ORC3: variants seen among roughly 807,000 people sequenced by gnomAD.
The protein encoded by ORC3 is homolog of latheo, Drosophila.
Under a neutral mutation model 100.7 loss-of-function variants are expected in ORC3, and 78 were observed. The ratio of observed to expected loss-of-function variants is 0.77; its 90% CI spans 0.65 to 0.94. The LOEUF (loss-of-function observed/expected upper bound fraction) is 0.94, where lower values mean the gene tolerates loss of function less well. Ranked by LOEUF, ORC3 falls within the 40% of genes least tolerant of loss-of-function variation. The probability of loss-of-function intolerance (pLI) is 0.00; values close to 1 mark genes in which losing one functional copy is unlikely to be tolerated. For missense variants in ORC3, 789 were observed against 823.9 expected (o/e 0.96, Z 0.52); for synonymous variants, 295 against 289.3 (o/e 1.02, Z -0.20).
chr6:87,615,782 T>C (rs1779113665), intron 8 of ORC3, among the ~76,000 whole-genome samples: 1 of 152,242 alleles, frequency 6.6e-6, no homozygotes, highest in Non-Finnish European at 1.5e-5. Context: ...TTGTGTGACT[T>C]TTCATTTCCA....
intron 9 of ORC3, among the ~76,000 whole-genome samples, chr6:87,618,177 G>GA (rs1466838058): frequency 1.3e-5 from 2 of 152,306 alleles, no homozygotes; most frequent in East Asian, 3.9e-4. Context: ...TGGGGAGGCC[G>GA]AGGCAGGCAG....
intron 8 of ORC3, 118 bp from the exon 9 acceptor site, chr6:87,616,196 C>T (rs1779140054): frequency 9.2e-6 from 4 of 434,576 alleles, no homozygotes; most frequent in Non-Finnish European, 1.7e-5. Context: ...GCTATTATTG[C>T]AGCTTTCATA....
At chr6:87,676,596 A>AACACACGCGCGCGCACAC in the ORC3 span, among the ~76,000 whole-genome samples, 4 of 142,146 alleles carry the variant, frequency 2.8e-5, no homozygotes, top group African/African-American at 1.1e-4. Flanking sequence ...CTCTACTAAA[A>AACACACGCGCGCGCACAC]ACACACACAC....
chr6:87,600,158 A>G (rs1041261839), intron 2 of ORC3, among the ~76,000 whole-genome samples: 2 of 152,210 alleles, frequency 1.3e-5, no homozygotes, highest in African/African-American at 2.4e-5. Flanking sequence ...AAGTTCCTTA[A>G]CATGAAGTGA....
At chr6:87,637,742 C>T (rs573033009) in intron 13 of ORC3, among the ~76,000 whole-genome samples, 3 of 152,268 alleles carry the variant, frequency 2.0e-5, no homozygotes, top group African/African-American at 7.2e-5. Context: ...CACCAGTTGT[C>T]TTAGGGTACA....
the ORC3 span, chr6:87,675,029 A>T: frequency 6.6e-6 from 1 of 151,602 alleles, no homozygotes; most frequent in African/African-American, 2.4e-5. Flanking sequence ...CATTTGTTAA[A>T]AAGACTGATA....
intron 2 of ORC3, among the ~76,000 whole-genome samples, chr6:87,596,679 A>C (rs1446566391): frequency 6.6e-6 from 1 of 152,210 alleles, no homozygotes; most frequent in Non-Finnish European, 1.5e-5. Flanking sequence ...ATTAATAAAA[A>C]AAGATACTGT....
Position 87,644,095 on chromosome 6 carries a change from T to C in ORC3, c.1382+7609T>C, listed in dbSNP as rs1189500715. Among the ~76,000 whole-genome samples the C allele has an allele frequency of 2.5e-3, 266 of 107,540 alleles. 4 individuals carry two copies. The highest frequency in any genetic ancestry group is 9.9e-3 in the African/African-American group (259 of 26,292). The allele number at this position is 107,540 out of a possible 152,430, so 70.6% of individuals were successfully genotyped here. On this transcript the variant is annotated intron_variant, in intron 13 of 19. Coordinates refer to ENST00000392844, the MANE Select transcript of ORC3 (RefSeq NM_012381.4). Reference sequence around the variant, plus strand: ...CTGACTGTCCTTTTTTTTTTTTTTTTTTTTTTTTTTTTTTTGAGACGGAGT... The same window carrying C: ...CTGACTGTCCTTTTTTTTTTTTTTTCTTTTTTTTTTTTTTTGAGACGGAGT...
At chr6:87,598,402 G>A (rs1777622652) in intron 2 of ORC3, among the ~76,000 whole-genome samples, 1 of 152,176 alleles carries the variant, frequency 6.6e-6, no homozygotes, top group African/African-American at 2.4e-5. Flanking sequence ...AGGATACTTA[G>A]ACATATAACT....
rs1017005653 is a variant in ORC3 at position 87,667,156 on chromosome 6, T to C, written c.*33T>C. On this transcript the variant is annotated 3_prime_UTR_variant, in exon 20 of 20. Transcript: ENST00000392844. The stretch of plus-strand genomic sequence containing the variant: ...ATAAGCAAAGCCAGAACTATCACAT[T>C]TAGCTTAAGAGAAAAAGGTGACCAG... 8 of 1,302,604 alleles carry C rather than the reference T, an allele frequency of 6.1e-6. No homozygotes were observed. Among genetic ancestry groups the C allele is most frequent in the Non-Finnish European group, 8.8e-6 (8 of 913,552 alleles). The allele number at this position is 1,302,604 out of a possible 1,614,324, so 80.7% of individuals were successfully genotyped here.
chr6:87,621,237 A>G (rs773370789), intron 9 of ORC3, 117 bp from the exon 10 acceptor site: 140 of 598,478 alleles, frequency 2.3e-4, no homozygotes, highest in Non-Finnish European at 3.4e-4. Flanking sequence ...TATTAAATAT[A>G]TTAGTGCCAT....
intron 3 of ORC3, among the ~76,000 whole-genome samples, chr6:87,602,421 A>G (rs1467455722): frequency 6.6e-6 from 1 of 151,338 alleles, no homozygotes. Flanking sequence ...ACATTTCTTC[A>G]CTATAGCAAA....
chr6:87,643,241 G>A (rs1396863178), intron 13 of ORC3, among the ~76,000 whole-genome samples: 3 of 152,164 alleles, frequency 2.0e-5, no homozygotes, highest in Non-Finnish European at 2.9e-5. Flanking sequence ...CAGGAGGTCA[G>A]AGAATTAGCT....
chr6:87,622,525 A>C lies in ORC3; in HGVS notation c.1185+512A>C, dbSNP rs1583064318. On this transcript the variant is annotated intron_variant, in intron 11 of 19. Transcript: ENST00000392844. ...CAGTGAGCTGTACAACATAAGGAAT[A>C]TCAAAAGAAGGAGGGCTTCTTTCTT... Among the ~76,000 whole-genome samples the C allele has an allele frequency of 5.3e-5, 8 of 152,154 alleles. No individual in the cohort carries two copies. The South Asian group carries it at 1.7e-3, about 31-fold the overall frequency.
chr6:87,624,734 T>A (rs1381494611), intron 11 of ORC3, among the ~76,000 whole-genome samples: 1 of 152,176 alleles, frequency 6.6e-6, no homozygotes, highest in Non-Finnish European at 1.5e-5. Flanking sequence ...AGGGTACATA[T>A]GCGCAACGTG....
At chr6:87,625,018 A>G (rs1779793985) in intron 11 of ORC3, among the ~76,000 whole-genome samples, 1 of 152,242 alleles carries the variant, frequency 6.6e-6, no homozygotes, top group South Asian at 2.1e-4. Context: ...TGCAAAGGAC[A>G]TGAACTCATC....
chr6:87,590,652 T>A (rs1036659281), intron 1 of ORC3, among the ~76,000 whole-genome samples: 8 of 152,136 alleles, frequency 5.3e-5, no homozygotes, highest in African/African-American at 1.7e-4. Context: ...AAGAACCTAA[T>A]ATAGGTTGTC....
downstream of ORC3, among the ~76,000 whole-genome samples, chr6:87,668,333 A>T: frequency 6.6e-6 from 1 of 152,192 alleles, no homozygotes; most frequent in East Asian, 1.9e-4. Context: ...GAGTTTTATG[A>T]GTATCCATTA....
chr6:87,628,410 G>T (rs186711333), intron 11 of ORC3, among the ~76,000 whole-genome samples: 4 of 152,162 alleles, frequency 2.6e-5, no homozygotes, highest in African/African-American at 9.7e-5. Context: ...ACTAAGGAGG[G>T]ACATTAGAAG....
Sources: gnomAD v4.1 joint callset for allele counts (sites outside exome capture counted in the v4.1 genomes callset) on GRCh38, gnomAD v4.1.1 for gene constraint, MANE v1.5 for transcripts, NCBI Gene and HGNC (gene_info 2026-07-23, HGNC 2026-07-21) for gene names.